Variants in SCYL3 observed in about 807,000 individuals in gnomAD.
SCYL3 encodes the protein protein-associating with the carboxyl-terminal domain of ezrin.
SCYL3 carries 35 observed loss-of-function variants against 73.8 expected under a neutral mutation model. The observed-to-expected ratio is 0.47, with a 90% confidence interval of 0.36 to 0.63. The LOEUF is 0.63. Ranked by LOEUF, SCYL3 falls within the 20% of genes least tolerant of loss-of-function variation. The pLI is 0.00. For missense variants in SCYL3, 712 were observed against 798.9 expected (o/e 0.89, Z 1.31); for synonymous variants, 277 against 295.2 (o/e 0.94, Z 0.63).
intron 12 of SCYL3, 176 bp downstream of exon 12, chr1:169,854,094 C>T: frequency 1.7e-6 from 1 of 603,716 alleles, no homozygotes; most frequent in Non-Finnish European, 2.8e-6. Flanking sequence ...AGCATTGCTA[C>T]ATTTTTCTGG....
Position 169,853,653 on chromosome 1 carries a change from G to C in SCYL3, c.*60C>G. ...TCTTGTCCCAAAGCCTGCTTTTGAG[G>C]TATTGATTTTTTTTAAAAAAAGGGA... is the stretch of plus-strand genomic sequence containing the variant. On this transcript the variant is annotated 3_prime_UTR_variant, in exon 13 of 13. Coordinates refer to ENST00000367771, the MANE Select transcript of SCYL3 (RefSeq NM_020423.7). The C allele has an allele frequency of 6.4e-7, 1 of 1,568,654 alleles. No homozygotes were observed.
At position 169,853,120 on chromosome 1, in the gene SCYL3, G is replaced by A; in HGVS notation, c.*593C>T. On this transcript the variant is annotated 3_prime_UTR_variant, in exon 13 of 13. Transcript: ENST00000367771. ...GAAAATAATCTTTATTTGACATTTA[G>A]AGAACAGGATTGTGGGGAATATTCT... 1 of 850,170 alleles carries A rather than the reference G, an allele frequency of 1.2e-6. No individual in the cohort carries two copies. The highest frequency in any genetic ancestry group is 3.6e-4 in the Middle Eastern group (1 of 2,802). 52.7% of individuals were successfully genotyped at this position (850,170 alleles called of 1,614,324 possible).
chr1:169,868,784 CAT>C (rs1660205369), intron 7 of SCYL3, 142 bp downstream of exon 7: 3 of 563,554 alleles, frequency 5.3e-6, no homozygotes, highest in Non-Finnish European at 9.7e-6. Flanking sequence ...CTCCTGTGGA[CAT>C]GATTCAATCT....
Position 169,882,715 on chromosome 1 carries a change from A to G in SCYL3, c.166-3896T>C, listed in dbSNP as rs6702726. On this transcript the variant is annotated intron_variant, in intron 2 of 12. Transcript: ENST00000367771. Reference sequence around the variant, plus strand: ...TAGCTCAAGGTTTGTGAATGCACCAATCCACACTCTGTATCTAGCTACTCT... The same window carrying G: ...TAGCTCAAGGTTTGTGAATGCACCAGTCCACACTCTGTATCTAGCTACTCT... 7.1e-3 allele frequency among the ~76,000 whole-genome samples: 1,083 copies of G among 152,272 alleles called. 10 individuals carry two copies. The highest frequency in any genetic ancestry group is 0.025 in the African/African-American group (1,039 of 41,544).
At chr1:169,892,925 G>A (rs1001519867) in intron 1 of SCYL3, among the ~76,000 whole-genome samples, 1 of 152,164 alleles carries the variant, frequency 6.6e-6, no homozygotes, top group African/African-American at 2.4e-5. Context: ...CTTGCACTCT[G>A]AGTATTAAGG....
chr1:169,894,127 T>C (rs1218837784), upstream of SCYL3: 1 of 152,302 alleles, frequency 6.6e-6, no homozygotes, highest in African/African-American at 2.4e-5. Flanking sequence ...TCCACGAAGA[T>C]GCCCCCTTTC....
In SCYL3 at chr1:169,872,663, C is replaced by A. The variant is rs2102175952; in HGVS notation, c.522+1033G>T. Among the ~76,000 whole-genome samples, 2 of 152,292 alleles carry A rather than the reference C, an allele frequency of 1.3e-5. 1 individual carries two copies. Among genetic ancestry groups the A allele is most frequent in the East Asian group, 3.9e-4 (2 of 5,172 alleles). On this transcript the variant is annotated intron_variant, in intron 5 of 12. Transcript: ENST00000367771. The stretch of plus-strand genomic sequence containing the variant: ...GAAAGCAGCCAGGAGGGAAACTGTA[C>A]CCTGCAGAGCCACAGGGGTAGAAGC...
Position 169,852,467 on chromosome 1 carries a change from A to G in SCYL3, c.*1246T>C. 3.2e-6 allele frequency: 1 copy of G among 315,278 alleles called. No homozygotes were observed. The highest frequency in any genetic ancestry group is 5.8e-6 in the Non-Finnish European group (1 of 171,492). The allele number at this position is 315,278 out of a possible 1,614,324, so 19.5% of individuals were successfully genotyped here. On this transcript the variant is annotated 3_prime_UTR_variant, in exon 13 of 13. Coordinates refer to ENST00000367771, the MANE Select transcript of SCYL3 (RefSeq NM_020423.7). ...GTTTTAGTCAAACTCTCATAAAAAGAAAATACATTTATGAACTTGTTTATA... is the reference window on the plus strand; with the variant it reads ...GTTTTAGTCAAACTCTCATAAAAAGGAAATACATTTATGAACTTGTTTATA...
chr1:169,885,812 T>C (rs1055613999), intron 2 of SCYL3, among the ~76,000 whole-genome samples: 1 of 152,106 alleles, frequency 6.6e-6, no homozygotes, highest in East Asian at 1.9e-4. Context: ...GAATGGCAGG[T>C]TGGATGGTTA....
intron 1 of SCYL3, among the ~76,000 whole-genome samples, chr1:169,891,819 C>T (rs1287180020): frequency 6.6e-6 from 1 of 152,168 alleles, no homozygotes; most frequent in Admixed American, 6.5e-5. Flanking sequence ...TTCTAAATAG[C>T]AAAATACTTC....
rs767433610 is a variant in SCYL3, at chr1:169,850,665, A to ACG, written c.*3046_*3047dup. On this transcript the variant is annotated 3_prime_UTR_variant, in exon 13 of 13. Transcript: ENST00000367771. ...ACAAAAATTAGCCGGGCATGGTGGT[A>ACG]CGCGCCTGCAGTCCCAGCTACTCGG... The ACG allele has an allele frequency of 7.0e-5, 14 of 200,998 alleles. No individual in the cohort carries two copies. The highest frequency in any genetic ancestry group is 1.1e-4 in the Non-Finnish European group (11 of 96,356). 12.5% of individuals were successfully genotyped at this position (200,998 alleles called of 1,614,324 possible). A position where few individuals can be genotyped will look rare whatever the true frequency, so the allele number is the denominator to read the frequency against.
chr1:169,889,672 GCA>G (rs1341492318), intron 1 of SCYL3, among the ~76,000 whole-genome samples: 1 of 152,158 alleles, frequency 6.6e-6, no homozygotes, highest in African/African-American at 2.4e-5. Context: ...TAGTGAAGGG[GCA>G]CAGTTAGAGG....
chr1:169,881,236 G>A (rs944004142), intron 2 of SCYL3, among the ~76,000 whole-genome samples: 3 of 152,106 alleles, frequency 2.0e-5, no homozygotes, highest in Admixed American at 6.5e-5. Flanking sequence ...CGTTTTATGT[G>A]ACATAGTACA....
At position 169,856,043 on chromosome 1, in the gene SCYL3, GA is replaced by G; in HGVS notation, c.1313-1080del. On this transcript the variant is annotated intron_variant, in intron 11 of 12. Transcript: ENST00000367771. Reference sequence around the variant, plus strand: ...ACATGGTTGGTGGGCATAGTTAAGTGAAATGGGTATATTTTTATACATATAA... The same window carrying G: ...ACATGGTTGGTGGGCATAGTTAAGTGAATGGGTATATTTTTATACATATAA... 15 of 1,176,368 alleles carry G rather than the reference GA, an allele frequency of 1.3e-5. No individual in the cohort carries two copies. In the South Asian group the frequency reaches 1.8e-4, roughly 14 times the overall value. The allele number at this position is 1,176,368 out of a possible 1,614,324, so 72.9% of individuals were successfully genotyped here. A position where few individuals can be genotyped will look rare whatever the true frequency, so the allele number is the denominator to read the frequency against.
intron 11 of SCYL3, 104 bp downstream of exon 11, chr1:169,858,937 T>C: frequency 1.0e-6 from 1 of 991,886 alleles, no homozygotes; most frequent in East Asian, 2.7e-5. Context: ...TATTTATACT[T>C]CTTTATATCA....
chr1:169,888,581 C>T, intron 2 of SCYL3, 95 bp downstream of exon 2: 1 of 996,856 alleles, frequency 1.0e-6, no homozygotes, highest in Non-Finnish European at 1.5e-6. Context: ...TCCTTATGAT[C>T]TTACCTCCTT....
At chr1:169,874,797 T>C (rs1446518341) in intron 4 of SCYL3, among the ~76,000 whole-genome samples, 2 of 152,102 alleles carry the variant, frequency 1.3e-5, no homozygotes, top group Non-Finnish European at 2.9e-5. Context: ...TGTGGTGGTG[T>C]GCACCTGTGG....
At chr1:169,861,609 A>G (rs732185) in intron 10 of SCYL3, among the ~76,000 whole-genome samples, 115,573 of 152,178 alleles carry the variant, frequency 0.76, 44,911 homozygotes, top group African/African-American at 0.93. Context: ...AATGATTATT[A>G]TTTTAAGGCA....
At chr1:169,867,475 C>T (rs960542521) in intron 7 of SCYL3, among the ~76,000 whole-genome samples, 9 of 152,138 alleles carry the variant, frequency 5.9e-5, no homozygotes, top group Non-Finnish European at 1.0e-4. Flanking sequence ...GGTCGGTTTC[C>T]TACAGGGCTG....
Sources: allele counts gnomAD v4.1 joint callset (sites outside exome capture counted in the v4.1 genomes callset), GRCh38; gene constraint gnomAD v4.1.1; transcripts MANE v1.5; gene names NCBI Gene and HGNC (gene_info 2026-07-23, HGNC 2026-07-21).